The following PTK7 variants were observed in gnomAD, a reference collection of about 807,000 sequenced individuals.
PTK7 encodes the protein protein tyrosine kinase 7 (inactive), also known as inactive tyrosine-protein kinase 7.
PTK7 carries 39 observed loss-of-function variants against 116.6 expected under a neutral mutation model. The observed-to-expected ratio is 0.33, with a 90% CI of 0.26 to 0.44. The LOEUF is 0.44. PTK7 is among the 20% of genes least tolerant of loss of function. PTK7 has a pLI of 1.00. For missense variants in PTK7, 1,169 were observed against 1,425.6 expected, an observed-to-expected ratio of 0.82 and a Z score of 2.90; for synonymous variants, 546 against 563.6, an observed-to-expected ratio of 0.97 and a Z score of 0.44.
chr6:43,087,307 T>C (rs1486524709), intron 1 of PTK7, among the ~76,000 whole-genome samples: 1 of 152,184 alleles, frequency 6.6e-6, no homozygotes. Flanking sequence ...TGATAATTGG[T>C]GTGGAAGGCT....
At chr6:43,091,797 A>G (rs1766968444) in intron 1 of PTK7, among the ~76,000 whole-genome samples, 1 of 152,194 alleles carries the variant, frequency 6.6e-6, no homozygotes, top group Admixed American at 6.5e-5. Flanking sequence ...CAGGACATGA[A>G]TCATCCCTTT....
chr6:43,118,669 A>ATG (rs1768741721), intron 1 of PTK7, among the ~76,000 whole-genome samples: 18 of 102,952 alleles, frequency 1.7e-4, no homozygotes, highest in African/African-American at 7.0e-4. Flanking sequence ...CTATATATAT[A>ATG]TATATATATA....
chr6:43,119,895 A>C (rs1206035920), intron 1 of PTK7, among the ~76,000 whole-genome samples: 1 of 152,172 alleles, frequency 6.6e-6, no homozygotes, highest in Non-Finnish European at 1.5e-5. Flanking sequence ...ATTCTGTTCC[A>C]GGTCCTCCTT....
At chr6:43,157,828 G>A (rs1346612686) in intron 17 of PTK7, among the ~76,000 whole-genome samples, 1 of 152,024 alleles carries the variant, frequency 6.6e-6, no homozygotes, top group Non-Finnish European at 1.5e-5. Flanking sequence ...CTGGGTTCAA[G>A]CGATTCTTCT....
chr6:43,100,413 TA>T (rs1007223227), intron 1 of PTK7, among the ~76,000 whole-genome samples: 8 of 148,820 alleles, frequency 5.4e-5, no homozygotes, highest in African/African-American at 1.0e-4. Context: ...AGGGTTTTTT[TA>T]AAAAAAAATG....
At position 43,132,033 on chromosome 6, in the gene PTK7, G is replaced by A. The variant is rs199784710; in HGVS notation, c.830G>A (p.Arg277Lys). 1.1e-4 allele frequency: 178 copies of A among 1,613,954 alleles called. No homozygotes were observed. The highest frequency in any genetic ancestry group is 1.4e-4 in the Non-Finnish European group (171 of 1,180,034). The change falls in exon 6 of 20, where the codon AGA becomes AAA. Residue 277 changes from arginine to lysine, a missense_variant. Coordinates refer to ENST00000230419, the MANE Select transcript of PTK7 (RefSeq NM_002821.5). ...TNRSRPPHLR[R>K]ATVFANGSLL... ...CTCTGCAGCCCCCCACACCTCCGCA[G>A]AGCCACAGTGTTTGCCAACGGGTCT...
chr6:43,077,724 G>T (rs3805944), intron 1 of PTK7, among the ~76,000 whole-genome samples: 16,932 of 152,238 alleles, frequency 0.11, 1,624 homozygotes, highest in African/African-American at 0.26. Context: ...CTCCTTTGAA[G>T]GTGGCAATGG....
At chr6:43,121,083 GTTGCTC>G (rs1768933865) in intron 1 of PTK7, among the ~76,000 whole-genome samples, 1 of 115,982 alleles carries the variant, frequency 8.6e-6, no homozygotes, top group Non-Finnish European at 1.7e-5. Context: ...TTTTGACTAT[GTTGCTC>G]AGGCGGAACT....
rs1035059977 is a variant in PTK7, at chr6:43,129,325, G to A, written c.367+61G>A. 1.3e-6 allele frequency: 2 copies of A among 1,584,458 alleles called. No homozygotes were observed. The highest frequency in any genetic ancestry group is 2.7e-5 in the African/African-American group (2 of 74,262). ...CAGACCCTCAATGACTGAGGCCTGG[G>A]GGATCCCTCCCTTACCTCAGCTTCT... On this transcript the variant is annotated intron_variant, in intron 2 of 19. Coordinates refer to ENST00000230419, the MANE Select transcript of PTK7 (RefSeq NM_002821.5). This position sits in a 1 kb window ranked among gnomAD's most constrained non-coding sequence, Gnocchi z 4.5.
In PTK7 at chr6:43,143,679, G is replaced by A. The variant is rs368894743; in HGVS notation, c.2251+59G>A. 26 of 1,543,094 alleles carry A rather than the reference G, an allele frequency of 1.7e-5. No homozygotes were observed. The highest frequency in any genetic ancestry group is 2.3e-4 in the Middle Eastern group (1 of 4,272). ...GTGCGGGAGCTGAGCGCCCTCCCGC[G>A]GCCACGGAGGGGAGAGCGCCAGCAC... On this transcript the variant is annotated intron_variant, in intron 14 of 19. Coordinates refer to ENST00000230419, the MANE Select transcript of PTK7 (RefSeq NM_002821.5). The surrounding 1 kb of genome is among the most constrained non-coding windows in gnomAD (Gnocchi z 4.2).
chr6:43,106,104 G>A (rs539089202), intron 1 of PTK7, among the ~76,000 whole-genome samples: 1 of 151,896 alleles, frequency 6.6e-6, no homozygotes, highest in African/African-American at 2.4e-5. Flanking sequence ...TTTGTTGTTG[G>A]GGGACAGCCT....
chr6:43,098,992 T>C (rs940628162), intron 1 of PTK7, among the ~76,000 whole-genome samples: 4 of 152,250 alleles, frequency 2.6e-5, no homozygotes, highest in Non-Finnish European at 5.9e-5. Flanking sequence ...TTCATTTATT[T>C]CAGTCTCATT....
At chr6:43,120,758 T>C (rs1213090893) in intron 1 of PTK7, among the ~76,000 whole-genome samples, 6 of 152,196 alleles carry the variant, frequency 3.9e-5, no homozygotes, top group African/African-American at 1.4e-4. Flanking sequence ...ATTTTACAGA[T>C]AGGACTGCCT....
chr6:43,146,909 C>T (rs1183925398), intron 17 of PTK7, among the ~76,000 whole-genome samples: 2 of 152,384 alleles, frequency 1.3e-5, no homozygotes, highest in East Asian at 3.9e-4. Flanking sequence ...GGTTGTCTGA[C>T]CTGTCCCAGG....
chr6:43,099,929 C>T (rs746282300), intron 1 of PTK7, among the ~76,000 whole-genome samples: 1 of 151,990 alleles, frequency 6.6e-6, no homozygotes, highest in Non-Finnish European at 1.5e-5. Context: ...CTCTTGTTGC[C>T]CAGGCTGGAA....
intron 17 of PTK7, 49 bp downstream of exon 17, chr6:43,146,747 C>A: frequency 6.5e-7 from 1 of 1,532,890 alleles, no homozygotes. Flanking sequence ...CAGGGGTGGG[C>A]CAGGAGCAAC....
At chr6:43,110,144 G>A (rs780942561) in intron 1 of PTK7, among the ~76,000 whole-genome samples, 44 of 151,542 alleles carry the variant, frequency 2.9e-4, no homozygotes, top group South Asian at 8.3e-4. Flanking sequence ...TTACAGGCGC[G>A]CAACACCATG....
intron 1 of PTK7, among the ~76,000 whole-genome samples, chr6:43,109,014 TG>T (rs1209348687): frequency 6.6e-6 from 1 of 152,220 alleles, no homozygotes; most frequent in African/African-American, 2.4e-5. Flanking sequence ...AATAATGAGT[TG>T]GTTTTCTAAC....
intron 17 of PTK7, among the ~76,000 whole-genome samples, chr6:43,157,167 G>GT (rs767249946): frequency 0.02 from 2,563 of 129,898 alleles, 92 homozygotes; most frequent in African/African-American, 0.067. Flanking sequence ...GTTGGATTGT[G>GT]GTTTTTTTTT....
Sources: allele counts gnomAD v4.1 joint callset (sites outside exome capture counted in the v4.1 genomes callset), GRCh38; gene constraint gnomAD v4.1.1; non-coding constraint Gnocchi (gnomAD v3.1); transcripts MANE v1.5; gene names NCBI Gene and HGNC (gene_info 2026-07-23, HGNC 2026-07-21).